Variants in STARD13 observed in about 807,000 individuals in gnomAD.
STARD13 encodes StAR related lipid transfer domain containing 13, also known as stAR-related lipid transfer protein 13.
In STARD13, 62 loss-of-function variants were observed where a neutral mutation model predicts 106.4. The ratio of observed to expected loss-of-function variants is 0.58; its 90% confidence interval spans 0.48 to 0.72. The LOEUF is 0.72. Ranked by LOEUF, STARD13 falls within the 30% of genes least tolerant of loss-of-function variation. The pLI is 0.00. For synonymous variants in STARD13, 565 were observed against 553.0 expected, an observed-to-expected ratio of 1.02 and a Z score of -0.31; for missense variants, 1,387 against 1,424.0, an observed-to-expected ratio of 0.97 and a Z score of 0.42.
chr13:33,183,961 G>A (rs569761633), intron 1 of STARD13, among the ~76,000 whole-genome samples: 2 of 152,150 alleles, frequency 1.3e-5, no homozygotes, highest in Non-Finnish European at 2.9e-5. Context: ...CCCTTGAAAT[G>A]TAACCACATT....
At chr13:33,321,420 C>T (rs568889185) in intron 1 of STARD13, among the ~76,000 whole-genome samples, 2 of 151,764 alleles carry the variant, frequency 1.3e-5, no homozygotes, top group Non-Finnish European at 2.9e-5. Flanking sequence ...GCACGAGAAT[C>T]GCTTGAACCT....
chr13:33,175,829 A>G (rs376599479), intron 1 of STARD13, among the ~76,000 whole-genome samples: 1 of 151,958 alleles, frequency 6.6e-6, no homozygotes, highest in East Asian at 1.9e-4. Context: ...AGGGATGCAA[A>G]CTCCTCCTGT....
the STARD13 span, among the ~76,000 whole-genome samples, chr13:33,644,149 A>G: frequency 6.6e-6 from 1 of 152,246 alleles, no homozygotes; most frequent in South Asian, 2.1e-4. Context: ...GTGCAAAACA[A>G]GGCAGTGCGG....
intron 1 of STARD13, among the ~76,000 whole-genome samples, chr13:33,281,981 A>G (rs1187099169): frequency 6.6e-6 from 1 of 152,130 alleles, no homozygotes; most frequent in Non-Finnish European, 1.5e-5. Flanking sequence ...AAGATGGCAA[A>G]ATTAATGTAT....
intron 1 of STARD13, among the ~76,000 whole-genome samples, chr13:33,188,859 C>T (rs149492560): frequency 7.2e-5 from 11 of 152,150 alleles, no homozygotes; most frequent in African/African-American, 2.7e-4. Flanking sequence ...AAATGACAAA[C>T]GAAAAGACAC....
chr13:33,628,138 T>C, the STARD13 span, among the ~76,000 whole-genome samples: 8 of 125,664 alleles, frequency 6.4e-5, no homozygotes, highest in Admixed American at 1.9e-4. Context: ...CTGGACTCTC[T>C]CTCTTGTAAA....
chr13:33,497,784 T>C, the STARD13 span, among the ~76,000 whole-genome samples: 2 of 152,164 alleles, frequency 1.3e-5, no homozygotes, highest in Non-Finnish European at 2.9e-5. Flanking sequence ...TTGTGGAGAG[T>C]ATCAGGTTTG....
the STARD13 span, among the ~76,000 whole-genome samples, chr13:33,662,104 T>C: frequency 6.6e-6 from 1 of 151,634 alleles, no homozygotes; most frequent in African/African-American, 2.4e-5. Context: ...CTACTAAAAA[T>C]ACAAAAAATT....
chr13:33,163,725 T>TATATATAAAACATATATATAAC (rs1883004361), intron 3 of STARD13, among the ~76,000 whole-genome samples: 3 of 112,110 alleles, frequency 2.7e-5, no homozygotes, highest in Middle Eastern at 5.6e-3. Context: ...ATATATAACA[T>TATATATAAAACATATATATAAC]ATATAAAACA....
At chr13:33,595,462 T>G in the STARD13 span, among the ~76,000 whole-genome samples, 1 of 152,132 alleles carries the variant, frequency 6.6e-6, no homozygotes, top group African/African-American at 2.4e-5. Flanking sequence ...GCTTAAATGC[T>G]TTTTTAAAAG....
the STARD13 span, among the ~76,000 whole-genome samples, chr13:33,577,097 A>G: frequency 6.6e-6 from 1 of 152,226 alleles, no homozygotes; most frequent in Non-Finnish European, 1.5e-5. Context: ...AATCCTAATT[A>G]GTATGCCTAA....
At chr13:33,589,549 G>A in the STARD13 span, among the ~76,000 whole-genome samples, 8 of 151,900 alleles carry the variant, frequency 5.3e-5, no homozygotes, top group East Asian at 1.9e-4. Context: ...CCTTCATTTC[G>A]TTATGTACCC....
chr13:33,167,015 C>CAAAAAAAAAAAAAAA (rs1010175989), intron 2 of STARD13, among the ~76,000 whole-genome samples: 1 of 139,246 alleles, frequency 7.2e-6, no homozygotes, highest in African/African-American at 2.8e-5. Flanking sequence ...AAAAAAAAAC[C>CAAAAAAAAAAAAAAA]AAAAAAAAAT....
At chr13:33,553,415 G>A in the STARD13 span, among the ~76,000 whole-genome samples, 2 of 151,672 alleles carry the variant, frequency 1.3e-5, no homozygotes, top group African/African-American at 2.4e-5. Flanking sequence ...GACATAGGAC[G>A]TAAAGGTATA....
the STARD13 span, among the ~76,000 whole-genome samples, chr13:33,495,706 T>G: frequency 6.6e-6 from 1 of 151,452 alleles, no homozygotes; most frequent in Non-Finnish European, 1.5e-5. Context: ...CATGCCTCTT[T>G]TATAATGGAT....
At chr13:33,337,622 C>A (rs955771644) in intron 1 of STARD13, among the ~76,000 whole-genome samples, 1 of 152,012 alleles carries the variant, frequency 6.6e-6, no homozygotes, top group African/African-American at 2.4e-5. Context: ...GTTCACCTTC[C>A]CCAAAAGCAA....
intron 1 of STARD13, among the ~76,000 whole-genome samples, chr13:33,237,562 T>C (rs1460710913): frequency 6.6e-6 from 1 of 152,230 alleles, no homozygotes; most frequent in African/African-American, 2.4e-5. Flanking sequence ...GCCTCCAGCA[T>C]CTTGCTTCTC....
the STARD13 span, among the ~76,000 whole-genome samples, chr13:33,497,628 A>G: frequency 6.6e-6 from 1 of 152,134 alleles, no homozygotes; most frequent in Non-Finnish European, 1.5e-5. Context: ...TGGCCAAATT[A>G]GCTGATTTGT....
the STARD13 span, among the ~76,000 whole-genome samples, chr13:33,484,540 T>C: frequency 6.6e-6 from 1 of 152,110 alleles, no homozygotes; most frequent in Admixed American, 6.6e-5. Flanking sequence ...AAAATCATTT[T>C]CCACACCCAA....
Sources: gnomAD v4.1 joint callset for allele counts (sites outside exome capture counted in the v4.1 genomes callset) on GRCh38, gnomAD v4.1.1 for gene constraint, MANE v1.5 for transcripts, NCBI Gene and HGNC (gene_info 2026-07-23, HGNC 2026-07-21) for gene names.